HSPA4: variants seen among roughly 807,000 people sequenced by gnomAD.
The protein encoded by HSPA4 is heat shock 70 kDa protein 4.
In HSPA4, 25 loss-of-function variants were observed where a neutral mutation model predicts 106.2. The ratio of observed to expected loss-of-function variants is 0.24; its 90% CI spans 0.17 to 0.33. The LOEUF (loss-of-function observed/expected upper bound fraction) is 0.33, where lower values mean the gene tolerates loss of function less well. Among genes scored for constraint, HSPA4 ranks in the 10% least tolerant of loss-of-function variants. The pLI is 1.00. For missense variants in HSPA4, 841 were observed against 996.0 expected (o/e 0.84, Z 2.10); for synonymous variants, 332 against 333.6 (o/e 1.00, Z 0.05).
rs1765860682 is a variant in HSPA4 at position 133,106,164 on chromosome 5, G to T, written c.*1728G>T. 1 of 130,454 alleles carries T rather than the reference G, an allele frequency of 7.7e-6. No individual in the cohort carries two copies. The highest frequency in any genetic ancestry group is 1.6e-5 in the Non-Finnish European group (1 of 62,766). 8.1% of individuals were successfully genotyped at this position (130,454 alleles called of 1,614,324 possible). The stretch of plus-strand genomic sequence containing the variant: ...TTGGTGTGTGTGTGTGTGTGTGTGG[G>T]GAAGGGTGTGGGTGCTGGGATGGGG... On this transcript the variant is annotated 3_prime_UTR_variant, in exon 19 of 19. Transcript: ENST00000304858.
chr5:133,073,424 C>A, intron 5 of HSPA4, 95 bp downstream of exon 5: 1 of 780,376 alleles, frequency 1.3e-6, no homozygotes, highest in Non-Finnish European at 2.1e-6. Flanking sequence ...ATTTTGCTTT[C>A]AGCACTGCTG....
Position 133,096,976 on chromosome 5 carries a change from C to G in HSPA4, c.1804-185C>G, listed in dbSNP as rs138307049. ...TCTATTGTTCTTTTTTTTAATCCCACCTACAAAACTCTTTTTGATATTCAA... is the reference window on the plus strand; with the variant it reads ...TCTATTGTTCTTTTTTTTAATCCCAGCTACAAAACTCTTTTTGATATTCAA... On this transcript the variant is annotated intron_variant, in intron 14 of 18. Transcript: ENST00000304858. 2.2e-4 allele frequency among the ~76,000 whole-genome samples: 34 copies of G among 152,146 alleles called. No homozygotes were observed. In the East Asian group the frequency reaches 6.6e-3, roughly 29 times the overall value.
At chr5:133,094,386 TAA>T (rs1283690118) in intron 13 of HSPA4, among the ~76,000 whole-genome samples, 1 of 152,252 alleles carries the variant, frequency 6.6e-6, no homozygotes, top group Non-Finnish European at 1.5e-5. Context: ...TAAAGTGGCT[TAA>T]GTCCGTTGTA....
chr5:133,073,885 A>G, intron 5 of HSPA4, 108 bp from the exon 6 acceptor site: 3 of 622,226 alleles, frequency 4.8e-6, no homozygotes, highest in Non-Finnish European at 5.1e-6. Flanking sequence ...TTTCTAAAAC[A>G]TAACACATGT....
intron 5 of HSPA4, 41 bp from the exon 6 acceptor site, chr5:133,073,947 ATTTAC>A: frequency 7.3e-7 from 1 of 1,372,392 alleles, no homozygotes; most frequent in Non-Finnish European, 9.8e-7. Context: ...AATGAATTTT[ATTTAC>A]TTAGACGTTA....
chr5:133,089,227 G>T, intron 10 of HSPA4, 66 bp downstream of exon 10: 2 of 874,400 alleles, frequency 2.3e-6, no homozygotes, highest in Non-Finnish European at 3.6e-6. Context: ...GTAATATGTT[G>T]CTTTTCATTT....
intron 7 of HSPA4, among the ~76,000 whole-genome samples, chr5:133,085,077 C>T (rs944608070): frequency 6.6e-6 from 1 of 151,980 alleles, no homozygotes; most frequent in African/African-American, 2.4e-5. Flanking sequence ...GGACTACAGG[C>T]GTGAGCCACT....
Position 133,076,650 on chromosome 5 carries a change from T to A in HSPA4, c.664-4T>A, listed in dbSNP as rs78942185. ...GTTAGATTAATTCTCATTTTTTCCT[T>A]AAGGTTCTGGCCACTGCATTTGACA... On this transcript the variant is annotated splice_polypyrimidine_tract_variant and splice_region_variant and intron_variant, in intron 6 of 18. Transcript: ENST00000304858. The A allele has an allele frequency of 3.4e-3, 5,467 of 1,608,262 alleles. 170 individuals carry two copies. In the African/African-American group the frequency reaches 0.066, roughly 19 times the overall value.
intron 1 of HSPA4, among the ~76,000 whole-genome samples, chr5:133,057,895 A>G (rs1314428591): frequency 6.6e-6 from 1 of 152,250 alleles, no homozygotes; most frequent in East Asian, 1.9e-4. Flanking sequence ...TGGTTAAAAT[A>G]TGAATAACAT....
At chr5:133,062,571 TTTTA>T (rs1561576469) in intron 1 of HSPA4, among the ~76,000 whole-genome samples, 3 of 152,186 alleles carry the variant, frequency 2.0e-5, no homozygotes, top group Non-Finnish European at 2.9e-5. Context: ...GAGGATTTTT[TTTTA>T]TTTATTTGCA....
intron 7 of HSPA4, among the ~76,000 whole-genome samples, chr5:133,086,302 G>A (rs146669654): frequency 2.6e-4 from 39 of 152,268 alleles, no homozygotes; most frequent in African/African-American, 9.4e-4. Context: ...GTAGCCGCTC[G>A]TCTCCTTTCT....
At chr5:133,092,054 A>G (rs1765653982) in intron 12 of HSPA4, among the ~76,000 whole-genome samples, 1 of 151,574 alleles carries the variant, frequency 6.6e-6, no homozygotes, top group African/African-American at 2.4e-5. Context: ...GCCTCAAGGA[A>G]AACAAAACTA....
At chr5:133,066,529 T>C (rs1765307280) in intron 2 of HSPA4, among the ~76,000 whole-genome samples, 1 of 152,180 alleles carries the variant, frequency 6.6e-6, no homozygotes, top group East Asian at 1.9e-4. Context: ...TTCTGAAAAC[T>C]TTACCTGTTG....
At chr5:133,084,726 T>C (rs2126708527) in intron 7 of HSPA4, among the ~76,000 whole-genome samples, 1 of 152,272 alleles carries the variant, frequency 6.6e-6, no homozygotes, top group African/African-American at 2.4e-5. Context: ...CGCCTCAGCC[T>C]CCCGAAGTGC....
At chr5:133,070,083 C>G (rs143721421) in intron 3 of HSPA4, among the ~76,000 whole-genome samples, 18 of 152,118 alleles carry the variant, frequency 1.2e-4, no homozygotes, top group African/African-American at 4.3e-4. Flanking sequence ...AGGAGGATTG[C>G]TTAAACCCAG....
Position 133,073,213 on chromosome 5 carries a change from CTTT to C in HSPA4, c.430-7_430-5del, listed in dbSNP as rs756561855. On this transcript the variant is annotated splice_polypyrimidine_tract_variant and intron_variant, in intron 4 of 18. Coordinates refer to ENST00000304858, the MANE Select transcript of HSPA4 (RefSeq NM_002154.4). The stretch of plus-strand genomic sequence containing the variant: ...TAGAATCTATAATACAGTAAGCATT[CTTT>C]TTTTTTTTTGTAGGTTCCTTGTTTC... 8 of 1,189,416 alleles carry C rather than the reference CTTT, an allele frequency of 6.7e-6. No individual in the cohort carries two copies. Among genetic ancestry groups the C allele is most frequent in the South Asian group, 3.0e-5 (2 of 66,398 alleles). 73.7% of individuals were successfully genotyped at this position (1,189,416 alleles called of 1,614,324 possible).
chr5:133,072,392 G>GTTTTTTTTTTTTTTTTT (rs748459297), intron 4 of HSPA4, among the ~76,000 whole-genome samples: 2 of 75,726 alleles, frequency 2.6e-5, no homozygotes, highest in African/African-American at 1.1e-4. Flanking sequence ...GTCCAGGGTT[G>GTTTTTTTTTTTTTTTTT]TTTTTTTTTT....
chr5:133,090,942 G>A (rs1765639724), intron 11 of HSPA4: 1 of 497,810 alleles, frequency 2.0e-6, no homozygotes, highest in African/African-American at 1.9e-5. Context: ...ATAAGAAATT[G>A]GAAGAAAGGA....
intron 1 of HSPA4, among the ~76,000 whole-genome samples, chr5:133,062,122 T>C (rs1212099641): frequency 6.6e-6 from 1 of 152,104 alleles, no homozygotes; most frequent in Non-Finnish European, 1.5e-5. Flanking sequence ...AGCTGGAAAA[T>C]GGGATTGGGT....
Sources: gnomAD v4.1 joint callset for allele counts (sites outside exome capture counted in the v4.1 genomes callset) on GRCh38, gnomAD v4.1.1 for gene constraint, MANE v1.5 for transcripts, NCBI Gene and HGNC (gene_info 2026-07-23, HGNC 2026-07-21) for gene names.